METTL15: variants seen among roughly 807,000 people sequenced by gnomAD.
METTL15 encodes the protein 12S rRNA N(4)-cytidine methyltransferase METTL15.
METTL15 carries 34 observed loss-of-function variants against 38.3 expected under a neutral mutation model. That is an observed-to-expected ratio of 0.89 (90% CI 0.68 to 1.18). The LOEUF is 1.18. METTL15 is among the 50% of genes most tolerant of loss of function. METTL15 has a pLI of 0.00. For synonymous variants in METTL15, 162 were observed against 170.9 expected (o/e 0.95, Z 0.41); for missense variants, 438 against 498.4 (o/e 0.88, Z 1.15).
At chr11:28,231,561 G>C (rs1287780795) in intron 4 of METTL15, among the ~76,000 whole-genome samples, 4 of 151,734 alleles carry the variant, frequency 2.6e-5, no homozygotes, top group African/African-American at 9.7e-5. Flanking sequence ...AGGCCATTGA[G>C]GATATGGCCT....
chr11:28,366,879 A>G (rs1850191403), intron 5 of METTL15, among the ~76,000 whole-genome samples: 1 of 152,196 alleles, frequency 6.6e-6, no homozygotes, highest in Non-Finnish European at 1.5e-5. Context: ...AAAGGTCTTT[A>G]TGAGAACTCC....
At chr11:28,429,189 C>A (rs902766956) in intron 6 of METTL15, among the ~76,000 whole-genome samples, 2 of 152,080 alleles carry the variant, frequency 1.3e-5, no homozygotes, top group African/African-American at 4.8e-5. Flanking sequence ...TTGCCATCAC[C>A]CAAACTCCTG....
intron 6 of METTL15, among the ~76,000 whole-genome samples, chr11:28,459,293 G>T (rs1443406273): frequency 2.0e-5 from 3 of 152,102 alleles, no homozygotes; most frequent in East Asian, 1.9e-4. Flanking sequence ...GTCTTCATAA[G>T]CCTCTGTGGA....
At chr11:28,292,876 C>T (rs758898365) in intron 5 of METTL15, among the ~76,000 whole-genome samples, 6 of 152,110 alleles carry the variant, frequency 3.9e-5, no homozygotes, top group Admixed American at 2.0e-4. Context: ...AGTGTCTGTT[C>T]GTATCCTTTG....
intron 4 of METTL15, among the ~76,000 whole-genome samples, chr11:28,259,234 T>C (rs562894682): frequency 3.7e-4 from 56 of 152,184 alleles, no homozygotes; most frequent in African/African-American, 1.3e-3. Context: ...TTGCTATGGC[T>C]ACGCTGGTTT....
chr11:28,302,867 A>G (rs896425024), intron 6 of METTL15, among the ~76,000 whole-genome samples: 3 of 152,170 alleles, frequency 2.0e-5, no homozygotes, highest in Non-Finnish European at 2.9e-5. Context: ...CTTTGATAGA[A>G]TATTTTTATT....
chr11:28,341,322 A>G (rs1490644505), intron 3 of METTL15, among the ~76,000 whole-genome samples: 1 of 152,240 alleles, frequency 6.6e-6, no homozygotes, highest in East Asian at 1.9e-4. Flanking sequence ...TAATTAAAAA[A>G]AATTTGCTAT....
intron 3 of METTL15, among the ~76,000 whole-genome samples, chr11:28,208,148 C>G (rs1852447776): frequency 6.6e-6 from 1 of 152,052 alleles, no homozygotes; most frequent in African/African-American, 2.4e-5. Flanking sequence ...TTGCCTTCTG[C>G]TAACTTTTGA....
intron 6 of METTL15, 53 bp downstream of exon 6, chr11:28,296,984 T>G: frequency 6.3e-7 from 1 of 1,576,312 alleles, no homozygotes. Context: ...TATTTACATG[T>G]GTGCATGTGT....
chr11:28,146,387 A>C (rs1248882215), intron 3 of METTL15, among the ~76,000 whole-genome samples: 1 of 152,052 alleles, frequency 6.6e-6, no homozygotes, highest in Non-Finnish European at 1.5e-5. Context: ...AAACAGTTTC[A>C]AGATTAATTA....
At chr11:28,362,949 G>A (rs1590345322) in intron 5 of METTL15, among the ~76,000 whole-genome samples, 1 of 152,146 alleles carries the variant, frequency 6.6e-6, no homozygotes, top group Non-Finnish European at 1.5e-5. Flanking sequence ...TTCCACAGTG[G>A]CTGAACTAGT....
chr11:28,355,610 A>G (rs946981058), intron 4 of METTL15, among the ~76,000 whole-genome samples: 16 of 152,236 alleles, frequency 1.1e-4, no homozygotes, highest in African/African-American at 3.6e-4. Flanking sequence ...CAGTATAACA[A>G]GTATTTCCGT....
chr11:28,498,540 A>T (rs1386755710), intron 6 of METTL15, among the ~76,000 whole-genome samples: 1 of 152,184 alleles, frequency 6.6e-6, no homozygotes, highest in Non-Finnish European at 1.5e-5. Flanking sequence ...AAACTAAGCA[A>T]CTATCTTTGC....
chr11:28,329,584 T>G (rs1454434975), intron 6 of METTL15, among the ~76,000 whole-genome samples: 1 of 152,136 alleles, frequency 6.6e-6, no homozygotes, highest in East Asian at 1.9e-4. Context: ...TAATTAAGTC[T>G]TCCAATCTGT....
chr11:28,469,820 C>T (rs1019343315), intron 6 of METTL15, among the ~76,000 whole-genome samples: 2 of 151,898 alleles, frequency 1.3e-5, no homozygotes, highest in African/African-American at 4.8e-5. Context: ...GCAAACAGGA[C>T]ACGGGAATGT....
chr11:28,401,627 G>C (rs1474673310), intron 5 of METTL15, among the ~76,000 whole-genome samples: 3 of 151,840 alleles, frequency 2.0e-5, no homozygotes, highest in African/African-American at 4.8e-5. Context: ...ATAAATAACT[G>C]AATGCCTTCA....
At chr11:28,432,174 G>A (rs1850938239) in intron 6 of METTL15, among the ~76,000 whole-genome samples, 1 of 152,074 alleles carries the variant, frequency 6.6e-6, no homozygotes. Flanking sequence ...AGTCTGACAT[G>A]GACAAAAATG....
chr11:28,461,309 G>A (rs915589156), intron 6 of METTL15, among the ~76,000 whole-genome samples: 8 of 152,162 alleles, frequency 5.3e-5, no homozygotes, highest in Admixed American at 2.0e-4. Flanking sequence ...TAGATAGGAC[G>A]TCTGGCATTT....
At chr11:28,472,926 T>C (rs1851314818) in intron 6 of METTL15, among the ~76,000 whole-genome samples, 1 of 152,192 alleles carries the variant, frequency 6.6e-6, no homozygotes, top group Non-Finnish European at 1.5e-5. Context: ...CTTTTCCCTT[T>C]AGAATTTGAG....
Sources: gnomAD v4.1 joint callset for allele counts (sites outside exome capture counted in the v4.1 genomes callset) on GRCh38, gnomAD v4.1.1 for gene constraint, MANE v1.5 for transcripts, NCBI Gene and HGNC (gene_info 2026-07-23, HGNC 2026-07-21) for gene names.